The following AUTS2 variants were observed in gnomAD, a reference collection of about 807,000 sequenced individuals.
The protein encoded by AUTS2 is autism susceptibility gene 2 protein.
AUTS2 carries 17 observed loss-of-function variants against 112.4 expected under a neutral mutation model. The observed-to-expected ratio is 0.15, with a 90% confidence interval of 0.10 to 0.23. AUTS2 has a LOEUF of 0.23. AUTS2 is among the 10% of genes least tolerant of loss of function. The probability of loss-of-function intolerance (pLI) is 1.00; values close to 1 mark genes in which losing one functional copy is unlikely to be tolerated. For synonymous variants in AUTS2, 751 were observed against 702.7 expected, an observed-to-expected ratio of 1.07 and a Z score of -1.09; for missense variants, 1,510 against 1,701.6, an observed-to-expected ratio of 0.89 and a Z score of 1.98.
chr7:70,679,560 G>A (rs1328279433), intron 5 of AUTS2, among the ~76,000 whole-genome samples: 5 of 151,470 alleles, frequency 3.3e-5, no homozygotes, highest in Middle Eastern at 3.4e-3. Context: ...GAGGCCACAT[G>A]TGTCTATGCA....
intron 1 of AUTS2, among the ~76,000 whole-genome samples, chr7:69,671,483 GCTGGTGTGTGTGTGTGTGT>G (rs1179589369): frequency 2.2e-5 from 3 of 135,852 alleles, no homozygotes; most frequent in East Asian, 2.3e-4. Context: ...TGCTGCTGCT[GCTGGTGTGTGTGTGTGTGT>G]GTGTGTGTGT....
chr7:69,814,253 C>T (rs544750810), intron 1 of AUTS2, among the ~76,000 whole-genome samples: 33 of 152,324 alleles, frequency 2.2e-4, no homozygotes, highest in African/African-American at 7.2e-4. Context: ...AGCTGAACCA[C>T]GTCATTTGTT....
At chr7:70,331,785 ACT>A (rs1790763715) in intron 4 of AUTS2, among the ~76,000 whole-genome samples, 1 of 151,936 alleles carries the variant, frequency 6.6e-6, no homozygotes, top group Non-Finnish European at 1.5e-5. Flanking sequence ...CATGCTGAAA[ACT>A]CTCAATAAAC....
intron 2 of AUTS2, among the ~76,000 whole-genome samples, chr7:70,078,080 A>G (rs1803122751): frequency 6.6e-6 from 1 of 152,138 alleles, no homozygotes; most frequent in African/African-American, 2.4e-5. Context: ...GGTCAGGCAT[A>G]TGGTAGGTAG....
chr7:70,496,708 ACG>A (rs1240748419), intron 5 of AUTS2, among the ~76,000 whole-genome samples: 12 of 127,176 alleles, frequency 9.4e-5, no homozygotes, highest in South Asian at 2.7e-4. Flanking sequence ...ACAGTCACAC[ACG>A]CACACACCCC....
chr7:69,694,892 A>G (rs1339884943), intron 1 of AUTS2, among the ~76,000 whole-genome samples: 1 of 152,232 alleles, frequency 6.6e-6, no homozygotes, highest in Non-Finnish European at 1.5e-5. Context: ...AATTAAGAGT[A>G]AAAGGGGTTT....
At chr7:70,781,929 A>G in intron 15 of AUTS2, 173 bp downstream of exon 15, 1 of 715,784 alleles carries the variant, frequency 1.4e-6, no homozygotes, top group Non-Finnish European at 2.2e-6. Flanking sequence ...ATCTTCATTG[A>G]TACACTCTCT....
At chr7:70,719,648 G>C (rs1223016014) in intron 6 of AUTS2, among the ~76,000 whole-genome samples, 2 of 152,062 alleles carry the variant, frequency 1.3e-5, no homozygotes, top group Non-Finnish European at 2.9e-5. Flanking sequence ...ATTTTTAGTA[G>C]AGACCGGGTT....
intron 1 of AUTS2, among the ~76,000 whole-genome samples, chr7:69,772,769 A>G (rs907722355): frequency 2.6e-5 from 4 of 152,178 alleles, no homozygotes; most frequent in African/African-American, 4.8e-5. Flanking sequence ...TAACTTTGAA[A>G]GTATAGACTT....
At chr7:70,633,417 G>C (rs112888138) in intron 5 of AUTS2, among the ~76,000 whole-genome samples, 11,455 of 152,168 alleles carry the variant, frequency 0.075, 574 homozygotes, top group East Asian at 0.2. Flanking sequence ...TTCGAGACCA[G>C]CCTGGCCAAC....
At chr7:69,886,763 TTGTGTGTGTGTGTGTGTGTGTGTGTG>T (rs3220664) in intron 1 of AUTS2, among the ~76,000 whole-genome samples, 1 of 129,774 alleles carries the variant, frequency 7.7e-6, no homozygotes, top group South Asian at 2.8e-4. Flanking sequence ...TTTGACTTCT[TTGTGTGTGTGTGTGTGTGTGTGTGTG>T]TGTGTGTGTG....
chr7:70,614,299 T>TA (rs1804242481), intron 5 of AUTS2, among the ~76,000 whole-genome samples: 1 of 151,612 alleles, frequency 6.6e-6, no homozygotes. Flanking sequence ...CTTTTTTTTT[T>TA]ATGAAAGTGG....
intron 16 of AUTS2, 101 bp downstream of exon 16, chr7:70,785,120 C>A: frequency 2.5e-6 from 3 of 1,210,958 alleles, no homozygotes; most frequent in Non-Finnish European, 1.2e-6. Context: ...GGTGGGAGTC[C>A]CAGATACCCT....
intron 1 of AUTS2, among the ~76,000 whole-genome samples, chr7:69,893,812 T>A (rs916191233): frequency 6.6e-6 from 1 of 152,234 alleles, no homozygotes; most frequent in African/African-American, 2.4e-5. Flanking sequence ...CCCTGCAGCT[T>A]ACATAGTGTT....
chr7:70,118,245 T>TAAAA lies in AUTS2; in HGVS notation c.624+31_624+34dup, dbSNP rs11418386. ...AAAGGCTCAGTGATGTAAGTTTAAG[T>TAAAA]AAAAAAAAAAAAAAAAAAAAAATTA... On this transcript the variant is annotated intron_variant, in intron 3 of 18. Transcript: ENST00000342771. 277 of 1,322,834 alleles carry TAAAA rather than the reference T, an allele frequency of 2.1e-4. 1 individual carries two copies. The highest frequency in any genetic ancestry group is 6.5e-4 in the South Asian group (39 of 59,894). 81.9% of individuals were successfully genotyped at this position (1,322,834 alleles called of 1,614,324 possible). A position where few individuals can be genotyped will look rare whatever the true frequency, so the allele number is the denominator to read the frequency against.
intron 5 of AUTS2, among the ~76,000 whole-genome samples, chr7:70,452,369 G>A (rs910029116): frequency 2.0e-5 from 3 of 152,130 alleles, no homozygotes; most frequent in Non-Finnish European, 4.4e-5. Context: ...TGAGGGAGGA[G>A]GATTGCGTGA....
At chr7:70,612,522 AT>A (rs1804148363) in intron 5 of AUTS2, among the ~76,000 whole-genome samples, 1 of 152,066 alleles carries the variant, frequency 6.6e-6, no homozygotes, top group East Asian at 1.9e-4. Context: ...ATGATCTAGT[AT>A]TGTCCTTCAA....
intron 4 of AUTS2, among the ~76,000 whole-genome samples, chr7:70,137,693 A>G (rs984578140): frequency 6.6e-6 from 1 of 152,154 alleles, no homozygotes; most frequent in Non-Finnish European, 1.5e-5. Context: ...TAGTGTTGCA[A>G]ATATTAAATG....
intron 6 of AUTS2, among the ~76,000 whole-genome samples, chr7:70,708,576 A>T (rs1269035761): frequency 6.6e-6 from 1 of 152,090 alleles, no homozygotes; most frequent in Non-Finnish European, 1.5e-5. Flanking sequence ...TATAATAGCA[A>T]ACTCACTAAT....
Sources: gnomAD v4.1 joint callset for allele counts (sites outside exome capture counted in the v4.1 genomes callset) on GRCh38, gnomAD v4.1.1 for gene constraint, MANE v1.5 for transcripts, NCBI Gene and HGNC (gene_info 2026-07-23, HGNC 2026-07-21) for gene names.